The following ZNF430 variants were observed in gnomAD, a reference collection of about 807,000 sequenced individuals.
ZNF430 encodes the protein zinc finger protein 430.
Under a neutral mutation model 56.7 loss-of-function variants are expected in ZNF430, and 35 were observed. The observed-to-expected ratio is 0.62, with a 90% CI of 0.47 to 0.82. The LOEUF (loss-of-function observed/expected upper bound fraction) is 0.82, where lower values mean the gene tolerates loss of function less well. Among genes scored for constraint, ZNF430 ranks in the 40% least tolerant of loss-of-function variants. ZNF430 has a pLI of 0.00. For synonymous variants in ZNF430, 212 were observed against 224.3 expected (o/e 0.94, Z 0.49); for missense variants, 574 against 661.0 (o/e 0.87, Z 1.44).
Position 21,029,977 on chromosome 19 carries a change from T to C in ZNF430, c.97-3479T>C, listed in dbSNP as rs562221976. 6.6e-5 allele frequency among the ~76,000 whole-genome samples: 10 copies of C among 151,632 alleles called. No individual in the cohort carries two copies. In the East Asian group the frequency reaches 1.9e-3, roughly 29 times the overall value. Reference sequence around the variant, plus strand: ...AGACTCCATCTAAAAAAAAAAAGACTGGAGTTTTGTCTGGTGAGTCCTGCT... The same window carrying C: ...AGACTCCATCTAAAAAAAAAAAGACCGGAGTTTTGTCTGGTGAGTCCTGCT... On this transcript the variant is annotated intron_variant, in intron 2 of 4. Transcript: ENST00000261560.
chr19:21,034,270 T>C (rs1360753505), intron 4 of ZNF430, 86 bp downstream of exon 4: 6 of 1,061,742 alleles, frequency 5.7e-6, no homozygotes, highest in Non-Finnish European at 8.0e-6. Context: ...TTTGAGAATC[T>C]GTGTTCCAAA....
chr19:21,043,095 T>C (rs1968135102), intron 4 of ZNF430, among the ~76,000 whole-genome samples: 2 of 152,204 alleles, frequency 1.3e-5, no homozygotes, highest in African/African-American at 4.8e-5. Context: ...ATAGTTTTTT[T>C]GTTGTTGTGC....
At chr19:21,051,981 A>G (rs1173177786) in intron 4 of ZNF430, among the ~76,000 whole-genome samples, 1 of 151,986 alleles carries the variant, frequency 6.6e-6, no homozygotes, top group Non-Finnish European at 1.5e-5. Context: ...TCAAAAATGC[A>G]ATGAGAAATT....
chr19:21,028,432 T>C (rs773679061), intron 2 of ZNF430, among the ~76,000 whole-genome samples: 12 of 152,120 alleles, frequency 7.9e-5, no homozygotes, highest in Non-Finnish European at 1.8e-4. Context: ...AGCTAGCAAA[T>C]TGGGACAAGT....
intron 4 of ZNF430, among the ~76,000 whole-genome samples, chr19:21,051,269 C>G (rs1031143413): frequency 6.7e-6 from 1 of 150,274 alleles, no homozygotes; most frequent in Non-Finnish European, 1.5e-5. Context: ...ATAATATCAT[C>G]AAGCTTTATC....
chr19:21,055,329 G>T (rs926052996), intron 4 of ZNF430, among the ~76,000 whole-genome samples: 1 of 152,026 alleles, frequency 6.6e-6, no homozygotes, highest in African/African-American at 2.4e-5. Context: ...CAATTGTCTT[G>T]ATTAGAGATA....
chr19:21,055,635 G>A (rs543794963), intron 4 of ZNF430, among the ~76,000 whole-genome samples: 1 of 152,110 alleles, frequency 6.6e-6, no homozygotes, highest in East Asian at 1.9e-4. Flanking sequence ...TGTTTTTTTA[G>A]TAGAGATGGA....
At chr19:21,033,844 T>C in intron 3 of ZNF430, 1 of 524,120 alleles carries the variant, frequency 1.9e-6, no homozygotes, top group East Asian at 3.4e-5. Context: ...GCATAAAATA[T>C]TGTTGCCCAT....
At chr19:21,032,902 A>G (rs1967928717) in intron 2 of ZNF430, among the ~76,000 whole-genome samples, 1 of 152,184 alleles carries the variant, frequency 6.6e-6, no homozygotes, top group Non-Finnish European at 1.5e-5. Context: ...CTCAAACTTT[A>G]TGATGTAAAT....
At chr19:21,028,697 C>G (rs987928856) in intron 2 of ZNF430, among the ~76,000 whole-genome samples, 1 of 151,602 alleles carries the variant, frequency 6.6e-6, no homozygotes, top group Non-Finnish European at 1.5e-5. Context: ...GGTTTTTTTT[C>G]TTTTTTTAGA....
chr19:21,057,843 C>A lies in ZNF430; in HGVS notation c.1535C>A (p.Ser512Tyr). 4 of 1,613,916 alleles carry A rather than the reference C, an allele frequency of 2.5e-6. No individual in the cohort carries two copies. The highest frequency in any genetic ancestry group is 1.3e-5 in the African/African-American group (1 of 75,008). ...KHKITHIGDT[S>Y]YKYLECDKAF... is the part of the protein sequence containing the mutation. Reference sequence around the variant, plus strand: ...AAGATAACTCATATTGGAGATACATCTTACAAATACCTAGAATGTGATAAA... The same window carrying A: ...AAGATAACTCATATTGGAGATACATATTACAAATACCTAGAATGTGATAAA... Residue 512 changes from serine to tyrosine, a missense_variant, in exon 5 of 5, where the codon TCT becomes TAT. Transcript: ENST00000261560.
chr19:21,054,719 A>G (rs958364690), intron 4 of ZNF430, among the ~76,000 whole-genome samples: 35 of 116,466 alleles, frequency 3.0e-4, no homozygotes, highest in African/African-American at 1.0e-3. Context: ...TCTGTCGCCC[A>G]GGCTGGAGTG....
At chr19:21,044,441 C>T (rs1047758865) in intron 4 of ZNF430, among the ~76,000 whole-genome samples, 6 of 152,074 alleles carry the variant, frequency 3.9e-5, no homozygotes, top group Admixed American at 1.3e-4. Flanking sequence ...CTGACTTGAT[C>T]GCGGTGGATA....
intron 4 of ZNF430, among the ~76,000 whole-genome samples, chr19:21,042,403 T>C (rs1968118408): frequency 6.6e-6 from 1 of 152,194 alleles, no homozygotes; most frequent in Non-Finnish European, 1.5e-5. Flanking sequence ...TCCACAATGA[T>C]TGAACTAATT....
chr19:21,021,265 G>T (rs563297432), intron 1 of ZNF430, among the ~76,000 whole-genome samples: 1 of 152,114 alleles, frequency 6.6e-6, no homozygotes, highest in South Asian at 2.1e-4. Flanking sequence ...TTGGGAGGCC[G>T]AGGCGGGCGC....
chr19:21,055,518 G>A (rs1257888702), intron 4 of ZNF430, among the ~76,000 whole-genome samples: 1 of 151,308 alleles, frequency 6.6e-6, no homozygotes, highest in African/African-American at 2.4e-5. Context: ...GCGCAATCTC[G>A]GCTCACTGCA....
chr19:21,046,407 T>C (rs112719128), intron 4 of ZNF430, among the ~76,000 whole-genome samples: 7,079 of 152,096 alleles, frequency 0.047, 560 homozygotes, highest in African/African-American at 0.16. Context: ...TTTTGAAGAC[T>C]CTTTGATGTA....
chr19:21,036,090 A>G (rs1051140718), intron 4 of ZNF430: 5 of 152,246 alleles, frequency 3.3e-5, no homozygotes, highest in Non-Finnish European at 5.9e-5. Flanking sequence ...AGGTTTCTTA[A>G]CATTGAGTTA....
At position 21,057,444 on chromosome 19, in the gene ZNF430, G is replaced by T. The variant is rs1968399734; in HGVS notation, c.1136G>T (p.Gly379Val). Residue 379 changes from glycine to valine, a missense_variant, in exon 5 of 5, where the codon GGC becomes GTC. This residue lies in a region of ZNF430 where 213 missense variants were observed against 221.0 expected (regional missense o/e 0.96). Coordinates refer to ENST00000261560, the MANE Select transcript of ZNF430 (RefSeq NM_025189.4). The stretch of plus-strand genomic sequence containing the variant: ...AAACCTTACAAATGTGAAGAATGTG[G>T]CAAAGCTTTTTACCGATTCTCATAC... ...GEKPYKCEEC[G>V]KAFYRFSYLT... 4.3e-6 allele frequency: 7 copies of T among 1,613,592 alleles called. No individual in the cohort carries two copies. The East Asian group carries it at 1.6e-4, about 36-fold the overall frequency.
Sources: gnomAD v4.1 joint callset for allele counts (sites outside exome capture counted in the v4.1 genomes callset) on GRCh38, gnomAD v4.1.1 for gene constraint, gnomAD v4.1.1 regional missense constraint, MANE v1.5 for transcripts, NCBI Gene and HGNC (gene_info 2026-07-23, HGNC 2026-07-21) for gene names.